The following PDE6B variants were observed in gnomAD, a reference collection of about 807,000 sequenced individuals.
PDE6B encodes the protein rod cGMP-specific 3',5'-cyclic phosphodiesterase subunit beta.
PDE6B carries 106 observed loss-of-function variants against 109.0 expected under a neutral mutation model. The ratio of observed to expected loss-of-function variants is 0.97; its 90% CI spans 0.83 to 1.14. PDE6B has a LOEUF of 1.14. PDE6B is among the 50% of genes most tolerant of loss of function. The probability of loss-of-function intolerance (pLI) is 0.00; values close to 1 mark genes in which losing one functional copy is unlikely to be tolerated. For synonymous variants in PDE6B, 490 were observed against 471.3 expected, an observed-to-expected ratio of 1.04 and a Z score of -0.51; for missense variants, 1,193 against 1,155.6, an observed-to-expected ratio of 1.03 and a Z score of -0.47.
intron 3 of PDE6B, among the ~76,000 whole-genome samples, chr4:647,219 T>C (rs1213772182): frequency 6.6e-6 from 1 of 152,036 alleles, no homozygotes; most frequent in African/African-American, 2.4e-5. Context: ...CATCTGAGTC[T>C]GGTTCTGAGG....
rs780813205 is a variant in PDE6B, at chr4:634,835, T to C, written c.621+6T>C. ...TCACCAGCGAAGACGAAGATGTGAG[T>C]GTGGGGGGCACCTGGGCAGCCGCGC... On this transcript the variant is annotated splice_donor_region_variant and intron_variant, in intron 2 of 21. Transcript: ENST00000496514. 8.7e-6 allele frequency: 14 copies of C among 1,613,292 alleles called. 1 individual carries two copies. Among genetic ancestry groups the C allele is most frequent in the South Asian group, 3.3e-5 (3 of 91,050 alleles).
At position 667,764 on chromosome 4, in the gene PDE6B, C is replaced by T. The variant is rs553126810; in HGVS notation, c.2353-92C>T. Reference sequence around the variant, plus strand: ...TCCCTCCTCCTGCCAGGCAGTTCATCCCCTACGAGGGGGATGAGCTGGGGA... The same window carrying T: ...TCCCTCCTCCTGCCAGGCAGTTCATTCCCTACGAGGGGGATGAGCTGGGGA... On this transcript the variant is annotated intron_variant, in intron 20 of 21. Coordinates refer to ENST00000496514, the MANE Select transcript of PDE6B (RefSeq NM_000283.4). 3.4e-4 allele frequency: 466 copies of T among 1,380,626 alleles called. 1 individual carries two copies. In the African/African-American group the frequency reaches 6.0e-3, roughly 18 times the overall value. 85.5% of individuals were successfully genotyped at this position (1,380,626 alleles called of 1,614,324 possible).
At chr4:647,729 C>T (rs567428373) in intron 3 of PDE6B, among the ~76,000 whole-genome samples, 7 of 151,920 alleles carry the variant, frequency 4.6e-5, no homozygotes, top group South Asian at 2.1e-4. Context: ...GGGAGGGGCA[C>T]GCAATCTAGT....
At chr4:639,501 G>C (rs1297300506) in intron 3 of PDE6B, among the ~76,000 whole-genome samples, 1 of 152,150 alleles carries the variant, frequency 6.6e-6, no homozygotes, top group African/African-American at 2.4e-5. Context: ...GCAAATGTCT[G>C]AACAGCCTTT....
In PDE6B at chr4:665,242, C is replaced by A. The variant is rs147952407; in HGVS notation, c.2194-13C>A. Reference sequence around the variant, plus strand: ...TCAGAGCTCCACAGACAGCTGCCTTCCTGTGCCTCCAGGTCGCACTTCTCG... The same window carrying A: ...TCAGAGCTCCACAGACAGCTGCCTTACTGTGCCTCCAGGTCGCACTTCTCG... On this transcript the variant is annotated splice_polypyrimidine_tract_variant and intron_variant, in intron 18 of 21. Coordinates refer to ENST00000496514, the MANE Select transcript of PDE6B (RefSeq NM_000283.4). This position sits in a 1 kb window ranked among gnomAD's most constrained non-coding sequence, Gnocchi z 4.0. The A allele has an allele frequency of 6.4e-4, 1,023 of 1,601,778 alleles. 4 individuals are homozygous for A. In the African/African-American group the frequency reaches 0.013, roughly 20 times the overall value.
In PDE6B at chr4:636,083, C is replaced by A; in HGVS notation, c.711+114C>A. The A allele has an allele frequency of 1.4e-6, 1 of 722,752 alleles. No homozygotes were observed. Among genetic ancestry groups the A allele is most frequent in the South Asian group, 1.4e-5 (1 of 69,430 alleles). The allele number at this position is 722,752 out of a possible 1,614,324, so 44.8% of individuals were successfully genotyped here. Reference sequence around the variant, plus strand: ...TGGTCTTGTGCTCACCTGGGTAGGTCCTGGGGTGGGCATTGCTCAGGGGAG... The same window carrying A: ...TGGTCTTGTGCTCACCTGGGTAGGTACTGGGGTGGGCATTGCTCAGGGGAG... On this transcript the variant is annotated intron_variant, in intron 3 of 21. Coordinates refer to ENST00000496514, the MANE Select transcript of PDE6B (RefSeq NM_000283.4). The surrounding 1 kb of genome is among the most constrained non-coding windows in gnomAD (Gnocchi z 4.5).
At position 666,467 on chromosome 4, in the gene PDE6B, T is replaced by C; in HGVS notation, c.2269-64T>C. 2 of 1,107,074 alleles carry C rather than the reference T, an allele frequency of 1.8e-6. No individual in the cohort carries two copies. The highest frequency in any genetic ancestry group is 2.5e-5 in the South Asian group (2 of 80,898). 68.6% of individuals were successfully genotyped at this position (1,107,074 alleles called of 1,614,324 possible). A position where few individuals can be genotyped will look rare whatever the true frequency, so the allele number is the denominator to read the frequency against. On this transcript the variant is annotated intron_variant, in intron 19 of 21. Coordinates refer to ENST00000496514, the MANE Select transcript of PDE6B (RefSeq NM_000283.4). The surrounding 1 kb of genome is among the most constrained non-coding windows in gnomAD (Gnocchi z 5.6). ...CATCTGAGTGAGGGGGTCGGGGGGCTGGGCGGGGCCCCAGGAGCTGCCTCC... is the reference window on the plus strand; with the variant it reads ...CATCTGAGTGAGGGGGTCGGGGGGCCGGGCGGGGCCCCAGGAGCTGCCTCC...
In PDE6B at chr4:666,727, G is replaced by C; in HGVS notation, c.2352+113G>C. The stretch of plus-strand genomic sequence containing the variant: ...CACGGGCCCGGCGGTGTCCTCACTG[G>C]AGTAGGGATGCCAGTGCCAGCTTCG... On this transcript the variant is annotated intron_variant, in intron 20 of 21. Transcript: ENST00000496514. This position sits in a 1 kb window ranked among gnomAD's most constrained non-coding sequence, Gnocchi z 5.6. 1.3e-6 allele frequency: 1 copy of C among 743,034 alleles called. No homozygotes were observed. Among genetic ancestry groups the C allele is most frequent in the Non-Finnish European group, 2.5e-6 (1 of 405,980 alleles). 46.0% of individuals were successfully genotyped at this position (743,034 alleles called of 1,614,324 possible).
chr4:667,944 A>G lies in PDE6B; in HGVS notation c.2441A>G (p.Tyr814Cys), dbSNP rs1438757540. The G allele has an allele frequency of 2.5e-6, 4 of 1,613,432 alleles. No individual in the cohort carries two copies. The highest frequency in any genetic ancestry group is 2.2e-5 in the East Asian group (1 of 44,866). Reference sequence around the variant, plus strand: ...GAGTGGAAGGCGCTGGCTGATGAGTATGAGGCCAAAGTGAAGGCTCTGGAG... The same window carrying G: ...GAGTGGAAGGCGCTGGCTGATGAGTGTGAGGCCAAAGTGAAGGCTCTGGAG... ...RKEWKALADEYEAKVKALEEK... is the reference protein window; with the variant it reads ...RKEWKALADECEAKVKALEEK... The change falls in exon 21 of 22, where the codon TAT (tyrosine) becomes TGT (cysteine). Residue 814 changes from tyrosine to cysteine, a missense_variant. Physicochemically the swap from Tyr to Cys is radical, Grantham distance 194. Transcript: ENST00000496514.
At chr4:637,231 G>GTT (rs564152995) in intron 3 of PDE6B, among the ~76,000 whole-genome samples, 1 of 142,818 alleles carries the variant, frequency 7.0e-6, no homozygotes, top group East Asian at 2.0e-4. Context: ...TTTGTTTTTT[G>GTT]TTTTTTTTTT....
Position 670,603 on chromosome 4 carries a change from G to A in PDE6B, c.*496G>A, listed in dbSNP as rs1263923415. 2.1e-5 allele frequency: 4 copies of A among 188,166 alleles called. No homozygotes were observed. Among genetic ancestry groups the A allele is most frequent in the Non-Finnish European group, 4.5e-5 (4 of 88,804 alleles). The allele number at this position is 188,166 out of a possible 1,614,324, so 11.7% of individuals were successfully genotyped here. A position where few individuals can be genotyped will look rare whatever the true frequency, so the allele number is the denominator to read the frequency against. ...TAGCCTACATTACTCATCCATTTTT[G>A]GATAGTTACCACTGGGAGACCTTTG... On this transcript the variant is annotated 3_prime_UTR_variant, in exon 22 of 22. Coordinates refer to ENST00000496514, the MANE Select transcript of PDE6B (RefSeq NM_000283.4).
At chr4:660,347 T>A in intron 11 of PDE6B, 120 bp from the exon 12 acceptor site, 1 of 1,006,228 alleles carries the variant, frequency 9.9e-7, no homozygotes, top group Non-Finnish European at 1.6e-6. Context: ...GAATGACACA[T>A]CTCCTCAGAG....
At chr4:627,089 G>T (rs953627180) in intron 1 of PDE6B, among the ~76,000 whole-genome samples, 3 of 152,106 alleles carry the variant, frequency 2.0e-5, no homozygotes, top group Admixed American at 6.5e-5. Flanking sequence ...CCAGGGGCAG[G>T]TGTGGTCCCT....
At chr4:654,213 A>C in intron 5 of PDE6B, 59 bp downstream of exon 5, 29 of 1,376,442 alleles carry the variant, frequency 2.1e-5, no homozygotes, top group Non-Finnish European at 2.7e-5. Context: ...CCTGACTCCA[A>C]CTCCAGGGCA....
intron 3 of PDE6B, among the ~76,000 whole-genome samples, chr4:645,486 G>A (rs1735156509): frequency 6.6e-6 from 1 of 151,426 alleles, no homozygotes; most frequent in African/African-American, 2.4e-5. Context: ...TAGTAGAGAC[G>A]GGGTTTCACC....
At chr4:658,870 G>T in intron 10 of PDE6B, 82 bp from the exon 11 acceptor site, 1 of 1,000,670 alleles carries the variant, frequency 1.0e-6, no homozygotes, top group Admixed American at 1.8e-5. Flanking sequence ...CCTTCCTCTA[G>T]CTCACACGGG....
Position 635,908 on chromosome 4 carries a change from C to G in PDE6B, c.650C>G (p.Thr217Arg), listed in dbSNP as rs748586554. 4.4e-6 allele frequency: 7 copies of G among 1,603,164 alleles called. No homozygotes were observed. In the East Asian group the frequency reaches 1.6e-4, roughly 36 times the overall value. The change falls in exon 3 of 22, where the codon ACG becomes AGG. Residue 217 changes from threonine to arginine, a missense_variant. Physicochemically the swap from Thr to Arg is moderately conservative, Grantham distance 71. Transcript: ENST00000496514. ...DVFLKYLNFA[T>R]LYLKIYHLSY... ...TTCTTGAAGTACCTGAATTTTGCCA[C>G]GTTGTACCTGAAGATCTATCACCTG...
Position 665,939 on chromosome 4 carries a change from C to T in PDE6B, c.2269-592C>T, listed in dbSNP as rs931251090. ...CAGTGGAGAGGGCTTAGGCCAGGTG[C>T]AGCCTCGGCAGGAAAGGGGGCATTG... On this transcript the variant is annotated intron_variant, in intron 19 of 21. Transcript: ENST00000496514. This position sits in a 1 kb window ranked among gnomAD's most constrained non-coding sequence, Gnocchi z 4.0. Among the ~76,000 whole-genome samples, 1 of 152,278 alleles carries T rather than the reference C, an allele frequency of 6.6e-6. No homozygotes were observed. Among genetic ancestry groups the T allele is most frequent in the African/African-American group, 2.4e-5 (1 of 41,552 alleles).
At chr4:637,224 GT>G (rs1390785221) in intron 3 of PDE6B, among the ~76,000 whole-genome samples, 1 of 150,082 alleles carries the variant, frequency 6.7e-6, no homozygotes, top group African/African-American at 2.4e-5. Context: ...GCTTTGCTTT[GT>G]TTTTTGTTTT....
Sources: allele counts gnomAD v4.1 joint callset (sites outside exome capture counted in the v4.1 genomes callset), GRCh38; gene constraint gnomAD v4.1.1; non-coding constraint Gnocchi (gnomAD v3.1); transcripts MANE v1.5; gene names NCBI Gene and HGNC (gene_info 2026-07-23, HGNC 2026-07-21).